ARRB1: variants seen among roughly 807,000 people sequenced by gnomAD.
ARRB1 encodes arrestin beta 1.
ARRB1 carries 21 observed loss-of-function variants against 56.8 expected under a neutral mutation model. The ratio of observed to expected loss-of-function variants is 0.37; its 90% CI spans 0.26 to 0.53. ARRB1 has a LOEUF of 0.53. ARRB1 is among the 20% of genes least tolerant of loss of function. ARRB1 has a pLI of 0.88. For missense variants in ARRB1, 424 were observed against 553.7 expected, an observed-to-expected ratio of 0.77 and a Z score of 2.35; for synonymous variants, 210 against 218.6, an observed-to-expected ratio of 0.96 and a Z score of 0.35.
intron 1 of ARRB1, among the ~76,000 whole-genome samples, chr11:75,323,061 A>T (rs1445411389): frequency 6.6e-6 from 1 of 152,204 alleles, no homozygotes; most frequent in African/African-American, 2.4e-5. Flanking sequence ...GGGAGGTAGC[A>T]ATGAGAGAGA....
intron 1 of ARRB1, among the ~76,000 whole-genome samples, chr11:75,333,775 G>A (rs536766087): frequency 2.0e-5 from 3 of 152,302 alleles, no homozygotes; most frequent in East Asian, 1.9e-4. Flanking sequence ...CGGACATCAT[G>A]TTTGTTCTTC....
intron 6 of ARRB1, chr11:75,281,470 T>G (rs949076352): frequency 4.8e-6 from 2 of 420,532 alleles, no homozygotes; most frequent in Middle Eastern, 6.6e-4. Flanking sequence ...GGGCGCCTAC[T>G]ACTGTGTGCA....
intron 1 of ARRB1, among the ~76,000 whole-genome samples, chr11:75,346,895 C>T (rs184073548): frequency 1.4e-4 from 21 of 152,336 alleles, no homozygotes; most frequent in Non-Finnish European, 2.2e-4. Context: ...AGCCCCACTA[C>T]GTCCAGCCTA....
rs144351914 is a variant in ARRB1 at position 75,328,025 on chromosome 11, A to T, written c.20+23563T>A. Among the ~76,000 whole-genome samples, 5 of 152,360 alleles carry T rather than the reference A, an allele frequency of 3.3e-5. No homozygotes were observed. The South Asian group carries it at 1.0e-3, about 32-fold the overall frequency. On this transcript the variant is annotated intron_variant, in intron 1 of 15. Transcript: ENST00000420843. Reference sequence around the variant, plus strand: ...ATTCACAACGTTGTGCAAAACCGCCACTTCTATCTAGATCCAACGCATTTC... The same window carrying T: ...ATTCACAACGTTGTGCAAAACCGCCTCTTCTATCTAGATCCAACGCATTTC...
At chr11:75,319,434 A>G (rs1263480335) in intron 1 of ARRB1, among the ~76,000 whole-genome samples, 1 of 152,166 alleles carries the variant, frequency 6.6e-6, no homozygotes, top group African/African-American at 2.4e-5. Context: ...AGATCTGACC[A>G]CACTGTTTCA....
At chr11:75,291,335 AAAAC>A (rs921947703) in intron 1 of ARRB1, among the ~76,000 whole-genome samples, 5 of 152,216 alleles carry the variant, frequency 3.3e-5, no homozygotes, top group Non-Finnish European at 5.9e-5. Flanking sequence ...CTCAGTCTCA[AAAAC>A]AAACAAACAA....
intron 1 of ARRB1, among the ~76,000 whole-genome samples, chr11:75,341,483 C>T (rs565844588): frequency 6.6e-6 from 1 of 152,226 alleles, no homozygotes; most frequent in South Asian, 2.1e-4. Context: ...CCCACAGAAA[C>T]CCCATTAATA....
intron 1 of ARRB1, among the ~76,000 whole-genome samples, chr11:75,326,602 C>CCCCTT (rs1947437803): frequency 6.6e-6 from 1 of 152,078 alleles, no homozygotes; most frequent in Non-Finnish European, 1.5e-5. Flanking sequence ...GCCTCCCACT[C>CCCCTT]AGCACCCTTA....
intron 1 of ARRB1, among the ~76,000 whole-genome samples, chr11:75,320,397 A>T (rs979770269): frequency 6.6e-6 from 1 of 152,230 alleles, no homozygotes; most frequent in Non-Finnish European, 1.5e-5. Context: ...CTTCCAACCA[A>T]AACAGAATCC....
intron 1 of ARRB1, among the ~76,000 whole-genome samples, chr11:75,327,280 T>A (rs7112048): frequency 5.9e-5 from 8 of 135,868 alleles, no homozygotes; most frequent in African/African-American, 1.9e-4. Context: ...CCAGCCTGGG[T>A]GACAGAGCGA....
chr11:75,269,140 G>A lies in ARRB1; in HGVS notation c.1023-181C>T, dbSNP rs376200303. On this transcript the variant is annotated intron_variant, in intron 13 of 15. Transcript: ENST00000420843. ...GCCTCGGTCTGCCTGGGAGCTGGACGAGGAGACTTCCTCTGGTCCCAAAAA... is the reference window on the plus strand; with the variant it reads ...GCCTCGGTCTGCCTGGGAGCTGGACAAGGAGACTTCCTCTGGTCCCAAAAA... The A allele has an allele frequency of 2.9e-5, 22 of 747,898 alleles. No individual in the cohort carries two copies. In the Middle Eastern group the frequency reaches 6.8e-4, roughly 23 times the overall value. The allele number at this position is 747,898 out of a possible 1,614,324, so 46.3% of individuals were successfully genotyped here.
At chr11:75,326,264 C>T (rs762879057) in intron 1 of ARRB1, among the ~76,000 whole-genome samples, 8 of 152,136 alleles carry the variant, frequency 5.3e-5, no homozygotes, top group East Asian at 1.9e-4. Context: ...CTTGCAGCTG[C>T]GTCCCCAGAA....
intron 3 of ARRB1, among the ~76,000 whole-genome samples, chr11:75,286,255 C>CTTTTT (rs60988072): frequency 3.4e-4 from 13 of 38,736 alleles, no homozygotes; most frequent in African/African-American, 1.1e-3. Context: ...ATTTGCTCAT[C>CTTTTT]TTTTTTTTTT....
At chr11:75,324,702 A>G (rs1354491895) in intron 1 of ARRB1, among the ~76,000 whole-genome samples, 1 of 152,002 alleles carries the variant, frequency 6.6e-6, no homozygotes, top group Non-Finnish European at 1.5e-5. Context: ...CTCCAACTCC[A>G]CCTGCCTCCT....
At chr11:75,296,191 A>C (rs951768298) in intron 1 of ARRB1, among the ~76,000 whole-genome samples, 1 of 150,948 alleles carries the variant, frequency 6.6e-6, no homozygotes, top group Admixed American at 6.6e-5. Context: ...GTCTCAAAAA[A>C]AAAAAAAAAA....
At chr11:75,318,474 G>A (rs1228104071) in intron 1 of ARRB1, among the ~76,000 whole-genome samples, 1 of 152,188 alleles carries the variant, frequency 6.6e-6, no homozygotes, top group East Asian at 1.9e-4. Context: ...CGGGGCACCT[G>A]AGGTCAGGAG....
intron 1 of ARRB1, among the ~76,000 whole-genome samples, chr11:75,321,491 A>G (rs1947349584): frequency 1.3e-5 from 2 of 152,190 alleles, no homozygotes; most frequent in East Asian, 3.9e-4. Flanking sequence ...ACCATTTGAG[A>G]GAGGCTTTAT....
intron 1 of ARRB1, among the ~76,000 whole-genome samples, chr11:75,339,580 G>A (rs766427426): frequency 6.6e-6 from 1 of 152,158 alleles, no homozygotes; most frequent in South Asian, 2.1e-4. Flanking sequence ...TCACACAAAC[G>A]CACTTTCCAA....
chr11:75,275,837 C>T (rs1301064701), intron 10 of ARRB1, among the ~76,000 whole-genome samples: 1 of 152,242 alleles, frequency 6.6e-6, no homozygotes, highest in East Asian at 1.9e-4. Flanking sequence ...CCTCCCCAGC[C>T]ATCCCTGCTG....
Sources: gnomAD v4.1 joint callset for allele counts (sites outside exome capture counted in the v4.1 genomes callset) on GRCh38, gnomAD v4.1.1 for gene constraint, MANE v1.5 for transcripts, NCBI Gene and HGNC (gene_info 2026-07-23, HGNC 2026-07-21) for gene names.